Variants in SMARCA4 observed in about 807,000 individuals in gnomAD.
The protein encoded by SMARCA4 is SWI/SNF related BAF chromatin remodeling complex subunit ATPase 4.
In SMARCA4, 31 loss-of-function variants were observed where a neutral mutation model predicts 193.9. The ratio of observed to expected loss-of-function variants is 0.16; its 90% CI spans 0.12 to 0.22. The LOEUF (loss-of-function observed/expected upper bound fraction) is 0.22. Among genes scored for constraint, SMARCA4 ranks in the 10% least tolerant of loss-of-function variants. SMARCA4 has a pLI of 1.00. For missense variants in SMARCA4, 1,148 were observed against 2,296.0 expected (o/e 0.50, Z 10.22); for synonymous variants, 942 against 933.1 (o/e 1.01, Z -0.17).
At chr19:10,969,134 C>G (rs2145489365) in intron 1 of SMARCA4, among the ~76,000 whole-genome samples, 1 of 152,346 alleles carries the variant, frequency 6.6e-6, no homozygotes, top group Non-Finnish European at 1.5e-5. Flanking sequence ...GTTTTCCTCT[C>G]AGAATCTCCC....
At chr19:11,008,540 GT>G (rs368330257) in intron 14 of SMARCA4, among the ~76,000 whole-genome samples, 2 of 152,110 alleles carry the variant, frequency 1.3e-5, no homozygotes, top group Non-Finnish European at 2.9e-5. Flanking sequence ...ACTGCGTCAC[GT>G]TATATTCTCA....
chr19:11,020,276 C>T (rs774101595), intron 18 of SMARCA4, among the ~76,000 whole-genome samples: 1 of 152,298 alleles, frequency 6.6e-6, no homozygotes, highest in South Asian at 2.1e-4. Flanking sequence ...GAGAATACGG[C>T]CCAGATAGAA....
In SMARCA4 at chr19:11,033,169, G is replaced by A. The variant is rs1028251009; in HGVS notation, c.3547-121G>A. 2 of 786,260 alleles carry A rather than the reference G, an allele frequency of 2.5e-6. No individual in the cohort carries two copies. The highest frequency in any genetic ancestry group is 3.4e-5 in the African/African-American group (2 of 58,812). The allele number at this position is 786,260 out of a possible 1,614,324, so 48.7% of individuals were successfully genotyped here. A position where few individuals can be genotyped will look rare whatever the true frequency, so the allele number is the denominator to read the frequency against. On this transcript the variant is annotated intron_variant, in intron 25 of 34. Coordinates refer to ENST00000344626, the MANE Select transcript of SMARCA4 (RefSeq NM_003072.5). The surrounding 1 kb of genome is among the most constrained non-coding windows in gnomAD (Gnocchi z 9.8). ...TTTCATGCGGCGGCAGGTCAGGCTG[G>A]GCAGAATTGTCAGGCCGAGGGTGGC...
chr19:10,963,228 C>T (rs1474784261), intron 1 of SMARCA4, among the ~76,000 whole-genome samples: 1 of 151,612 alleles, frequency 6.6e-6, no homozygotes, highest in Non-Finnish European at 1.5e-5. Context: ...CAAAAATTAG[C>T]CGAGTGTGGT....
rs908006726 is a variant in SMARCA4 at position 10,993,640 on chromosome 19, G to A, written c.1420-1188G>A. On this transcript the variant is annotated intron_variant, in intron 8 of 34. Coordinates refer to ENST00000344626, the MANE Select transcript of SMARCA4 (RefSeq NM_003072.5). ...AGGGCCTTTCCCACCCACAGTTGCC[G>A]GTGCTTAGTTTGTTTTTTTTTTTGA... Among the ~76,000 whole-genome samples, 3 of 152,046 alleles carry A rather than the reference G, an allele frequency of 2.0e-5. No individual in the cohort carries two copies. In the East Asian group the frequency reaches 5.8e-4, roughly 29 times the overall value.
In SMARCA4 at chr19:11,034,033, A is replaced by C; in HGVS notation, c.3874-90A>C. The C allele has an allele frequency of 1.0e-6, 1 of 987,034 alleles. No individual in the cohort carries two copies. The highest frequency in any genetic ancestry group is 1.6e-6 in the Non-Finnish European group (1 of 612,276). The allele number at this position is 987,034 out of a possible 1,614,324, so 61.1% of individuals were successfully genotyped here. A position where few individuals can be genotyped will look rare whatever the true frequency, so the allele number is the denominator to read the frequency against. ...GCAGCCGTGCCGGGACCACCAGCTC[A>C]TTCCCACGGACGCCGCCGCTCGCCT... On this transcript the variant is annotated intron_variant, in intron 27 of 34. Transcript: ENST00000344626. The surrounding 1 kb of genome is among the most constrained non-coding windows in gnomAD (Gnocchi z 7.0).
At chr19:11,040,425 C>T (rs1347342706) in intron 29 of SMARCA4, 1 of 151,354 alleles carries the variant, frequency 6.6e-6, no homozygotes, top group Non-Finnish European at 1.5e-5. Flanking sequence ...AACCCTGTCT[C>T]TACTAAAAAT....
intron 6 of SMARCA4, among the ~76,000 whole-genome samples, chr19:10,988,226 T>C (rs1464007758): frequency 6.6e-6 from 1 of 152,122 alleles, no homozygotes; most frequent in African/African-American, 2.4e-5. Flanking sequence ...CTTCAAGCGA[T>C]TCTTCTGCCT....
chr19:11,008,905 A>G (rs1335506221), intron 14 of SMARCA4, among the ~76,000 whole-genome samples: 2 of 140,116 alleles, frequency 1.4e-5, no homozygotes, highest in Non-Finnish European at 3.0e-5. Flanking sequence ...AATGGGGAGG[A>G]GGAGGCTGCA....
At chr19:11,028,243 A>G (rs1187800525) in intron 24 of SMARCA4, among the ~76,000 whole-genome samples, 1 of 152,244 alleles carries the variant, frequency 6.6e-6, no homozygotes, top group East Asian at 1.9e-4. Context: ...ACAGAATTCC[A>G]TACCATGTGG....
rs774282470 is a variant in SMARCA4, at chr19:11,027,966, T to A, written c.3382+16T>A. 10 of 1,613,418 alleles carry A rather than the reference T, an allele frequency of 6.2e-6. No individual in the cohort carries two copies. In the East Asian group the frequency reaches 2.2e-4, roughly 36 times the overall value. On this transcript the variant is annotated intron_variant, in intron 24 of 34. Transcript: ENST00000344626. ...AGGCTTGATGGTGAGTATGAGCCAG[T>A]GAGGCGTTTCTTACAGGGTTTTGTT...
rs561624893 is a variant in SMARCA4 at position 11,018,757 on chromosome 19, C to G, written c.2439-200C>G. Reference sequence around the variant, plus strand: ...CTTTTCCCAGTGGCCTCCCTTCTGTCCTCTGAGGCAGAGCCCTTCACGTCC... The same window carrying G: ...CTTTTCCCAGTGGCCTCCCTTCTGTGCTCTGAGGCAGAGCCCTTCACGTCC... On this transcript the variant is annotated intron_variant, in intron 16 of 34. Coordinates refer to ENST00000344626, the MANE Select transcript of SMARCA4 (RefSeq NM_003072.5). 25 of 684,244 alleles carry G rather than the reference C, an allele frequency of 3.7e-5. No individual in the cohort carries two copies. In the African/African-American group the frequency reaches 4.0e-4, roughly 11 times the overall value. The allele number at this position is 684,244 out of a possible 1,614,324, so 42.4% of individuals were successfully genotyped here.
chr19:11,012,627 T>C (rs1298847947), intron 15 of SMARCA4: 2 of 396,532 alleles, frequency 5.0e-6, no homozygotes, highest in Non-Finnish European at 9.7e-6. Context: ...GGGCAGGTTT[T>C]TCCTGTGTGC....
At chr19:11,049,226 C>T (rs11878804) in intron 30 of SMARCA4, among the ~76,000 whole-genome samples, 1,597 of 151,898 alleles carry the variant, frequency 0.011, 31 homozygotes, top group South Asian at 0.053. Flanking sequence ...AGTGGGGCTG[C>T]GCCAGCACCA....
chr19:10,963,856 G>C (rs578069282), intron 1 of SMARCA4, among the ~76,000 whole-genome samples: 67 of 151,826 alleles, frequency 4.4e-4, no homozygotes, highest in Middle Eastern at 6.8e-3. Flanking sequence ...TGAGAGGCTG[G>C]GGCAGGAGGT....
At chr19:10,963,370 CAA>C (rs755616481) in intron 1 of SMARCA4, among the ~76,000 whole-genome samples, 9 of 53,132 alleles carry the variant, frequency 1.7e-4, no homozygotes, top group Middle Eastern at 8.8e-3. Flanking sequence ...AAGACTGTCT[CAA>C]AAAAAAAAAA....
chr19:11,029,789 T>C (rs1044169789), intron 24 of SMARCA4, among the ~76,000 whole-genome samples: 4 of 152,266 alleles, frequency 2.6e-5, no homozygotes, highest in African/African-American at 9.6e-5. Context: ...TTCTCCTGCC[T>C]CATCCTCCCT....
In SMARCA4 at chr19:10,986,497, C is replaced by T. The variant is rs1466661081; in HGVS notation, c.664C>T (p.Pro222Ser). ...GCAGCAGCAGATGCCAACGCTACCT[C>T]CACCCTCGGTGTCCGCAACAGGACC... Reference protein sequence around the residue: ...GMQQQMPTLPPPSVSATGPGP... With the variant: ...GMQQQMPTLPSPSVSATGPGP... Residue 222 changes from proline to serine, a missense_variant, in exon 4 of 35, where the codon CCA (proline) becomes TCA (serine). Around this residue, in one of 17 missense-constraint regions of SMARCA4, gnomAD observed 257 missense variants for 276.5 expected, o/e 0.93. Coordinates refer to ENST00000344626, the MANE Select transcript of SMARCA4 (RefSeq NM_003072.5). This position sits in a 1 kb window ranked among gnomAD's most constrained non-coding sequence, Gnocchi z 6.7. The T allele has an allele frequency of 5.2e-6, 8 of 1,548,274 alleles. No individual in the cohort carries two copies. Among genetic ancestry groups the T allele is most frequent in the Non-Finnish European group, 6.1e-6 (7 of 1,147,742 alleles).
intron 1 of SMARCA4, among the ~76,000 whole-genome samples, chr19:10,971,391 G>A (rs2084658000): frequency 6.6e-6 from 1 of 152,010 alleles, no homozygotes; most frequent in South Asian, 2.1e-4. Context: ...TCACTGAGGT[G>A]TCCCAGGCTA....
Sources: allele counts gnomAD v4.1 joint callset (sites outside exome capture counted in the v4.1 genomes callset), GRCh38; gene constraint gnomAD v4.1.1; regional missense constraint gnomAD v4.1.1; non-coding constraint Gnocchi (gnomAD v3.1); transcripts MANE v1.5; gene names NCBI Gene and HGNC (gene_info 2026-07-23, HGNC 2026-07-21).